Variants in ZNF730 observed in about 807,000 individuals in gnomAD.
ZNF730 encodes the protein zinc finger protein 730, also known as putative zinc finger protein 730.
ZNF730 carries 12 observed loss-of-function variants against 12.6 expected under a neutral mutation model. That is an observed-to-expected ratio of 0.95 (90% CI 0.61 to 1.54). The LOEUF (loss-of-function observed/expected upper bound fraction) is 1.54. ZNF730 is among the 40% of genes most tolerant of loss of function. The pLI, the probability that ZNF730 is intolerant of heterozygous loss-of-function variation, is 0.00. For synonymous variants in ZNF730, 194 were observed against 195.8 expected (o/e 0.99, Z 0.08); for missense variants, 643 against 583.5 (o/e 1.10, Z -1.05).
chr19:23,077,331 G>T, intron 1 of ZNF730, among the ~76,000 whole-genome samples: 1 of 150,994 alleles, frequency 6.6e-6, no homozygotes, highest in East Asian at 1.9e-4. Flanking sequence ...CCTGACCTCA[G>T]GTGATCTGCC....
intron 1 of ZNF730, among the ~76,000 whole-genome samples, chr19:23,086,884 G>A (rs978454430): frequency 2.6e-5 from 4 of 152,192 alleles, no homozygotes; most frequent in African/African-American, 7.2e-5. Flanking sequence ...GCTTTGGGCA[G>A]TATGGCCATT....
chr19:23,075,556 C>T (rs1969842039), intron 1 of ZNF730, among the ~76,000 whole-genome samples: 1 of 152,268 alleles, frequency 6.6e-6, no homozygotes, highest in East Asian at 1.9e-4. Flanking sequence ...CGGCCGGGAC[C>T]CCCAGCGTCT....
At chr19:23,126,816 T>C in intron 1 of ZNF730, 1 of 540,740 alleles carries the variant, frequency 1.8e-6, no homozygotes, top group South Asian at 1.4e-5. Context: ...TCTTGCTTTA[T>C]CCAGTGCTAT....
At chr19:23,120,536 T>C (rs995677539) in intron 1 of ZNF730, among the ~76,000 whole-genome samples, 1 of 152,152 alleles carries the variant, frequency 6.6e-6, no homozygotes, top group African/African-American at 2.4e-5. Context: ...TTGTCATTTC[T>C]AATTGTGTTT....
chr19:23,115,393 A>T (rs1456571404), upstream of ZNF730, among the ~76,000 whole-genome samples: 1 of 152,196 alleles, frequency 6.6e-6, no homozygotes, highest in African/African-American at 2.4e-5. Context: ...GCAATTTTTC[A>T]TCCCTCCTAT....
At chr19:23,141,158 G>A (rs929176150) in intron 3 of ZNF730, among the ~76,000 whole-genome samples, 10 of 152,194 alleles carry the variant, frequency 6.6e-5, no homozygotes, top group South Asian at 2.1e-4. Flanking sequence ...ACTTTGGGAC[G>A]CCGAGGTGGG....
At chr19:23,095,947 A>G (rs1054547386) in intron 1 of ZNF730, among the ~76,000 whole-genome samples, 1 of 152,130 alleles carries the variant, frequency 6.6e-6, no homozygotes, top group South Asian at 2.1e-4. Context: ...CATCACTGAG[A>G]TTGTGACTGT....
At chr19:23,116,933 TTAAACGTTATCCAATCGGGGACACTG>T, upstream of ZNF730, 3 of 100,602 alleles carry the variant, frequency 3.0e-5, no homozygotes, top group Non-Finnish European at 5.4e-5. Context: ...GGGCGGGGCC[TTAAACGTTATCCAATCGGGGACACTG>T]GGCGGGGGGC....
At chr19:23,098,071 G>A (rs1204535658) in intron 1 of ZNF730, among the ~76,000 whole-genome samples, 1 of 151,938 alleles carries the variant, frequency 6.6e-6, no homozygotes, top group African/African-American at 2.4e-5. Context: ...TTGAACCCAA[G>A]AAGTGGAGGT....
intron 1 of ZNF730, among the ~76,000 whole-genome samples, chr19:23,117,870 ACATTT>A (rs990009212): frequency 2.0e-5 from 3 of 152,142 alleles, no homozygotes; most frequent in African/African-American, 7.2e-5. Flanking sequence ...ACAAAAAAAT[ACATTT>A]GAGTTACATT....
At chr19:23,144,947 C>A (rs1970981343) in intron 3 of ZNF730, among the ~76,000 whole-genome samples, 1 of 152,046 alleles carries the variant, frequency 6.6e-6, no homozygotes, top group Admixed American at 6.6e-5. Context: ...AAAAAGGAAA[C>A]CAAGAGTTGG....
chr19:23,118,586 G>C (rs1970561746), intron 1 of ZNF730, among the ~76,000 whole-genome samples: 1 of 152,050 alleles, frequency 6.6e-6, no homozygotes, highest in South Asian at 2.1e-4. Flanking sequence ...GCAGGTGGAT[G>C]CCCTGGGGCT....
intron 2 of ZNF730, among the ~76,000 whole-genome samples, chr19:23,134,474 G>T (rs911278861): frequency 7.5e-5 from 11 of 146,150 alleles, no homozygotes; most frequent in Admixed American, 3.4e-4. Flanking sequence ...GGAGGGAGGT[G>T]GGGGGGCCAG....
chr19:23,133,140 C>T (rs1450551082), intron 1 of ZNF730, among the ~76,000 whole-genome samples: 2 of 152,142 alleles, frequency 1.3e-5, no homozygotes, highest in Non-Finnish European at 2.9e-5. Flanking sequence ...GAAACCATCA[C>T]ATTTAATCTG....
At chr19:23,082,887 C>T (rs1020520440) in intron 1 of ZNF730, among the ~76,000 whole-genome samples, 18 of 151,830 alleles carry the variant, frequency 1.2e-4, no homozygotes, top group South Asian at 6.2e-4. Flanking sequence ...TTTTAGGGGA[C>T]GGGGTTTCTG....
intron 3 of ZNF730, among the ~76,000 whole-genome samples, chr19:23,142,409 C>T (rs999755824): frequency 1.8e-4 from 26 of 147,344 alleles, no homozygotes; most frequent in Non-Finnish European, 3.0e-4. Flanking sequence ...CTTGGCCAGG[C>T]GCGGTGGCTC....
intron 1 of ZNF730, chr19:23,095,470 C>T: frequency 2.5e-6 from 1 of 398,636 alleles, no homozygotes; most frequent in Non-Finnish European, 4.4e-6. Flanking sequence ...CTACCTGGCC[C>T]CTTCTCACAG....
At position 23,146,539 on chromosome 19, in the gene ZNF730, A is replaced by G. The variant is rs1267984650; in HGVS notation, c.1495A>G (p.Lys499Glu). Reference sequence around the variant, plus strand: ...GCGGTTCTCACACCTTACTAGGCATAAGACAATTCATACATAAAATTGTAA... The same window carrying G: ...GCGGTTCTCACACCTTACTAGGCATGAGACAATTCATACATAAAATTGTAA... ...FRRFSHLTRH[K>E]TIHT The change falls in exon 4 of 4, where the codon AAG becomes GAG. Residue 499 changes from lysine to glutamate, a missense_variant. By Grantham distance (56) the Lys-to-Glu change is moderately conservative. Transcript: ENST00000597761. 4 of 1,581,492 alleles carry G rather than the reference A, an allele frequency of 2.5e-6. No homozygotes were observed. Among genetic ancestry groups the G allele is most frequent in the Middle Eastern group, 1.7e-4 (1 of 5,954 alleles).
chr19:23,116,178 CTG>C (rs749400624), upstream of ZNF730, among the ~76,000 whole-genome samples: 7 of 152,298 alleles, frequency 4.6e-5, no homozygotes, highest in East Asian at 5.8e-4. Context: ...GAGGTCCAGA[CTG>C]TGGACAGATC....
Sources: allele counts gnomAD v4.1 joint callset (sites outside exome capture counted in the v4.1 genomes callset), GRCh38; gene constraint gnomAD v4.1.1; transcripts MANE v1.5; gene names NCBI Gene and HGNC (gene_info 2026-07-23, HGNC 2026-07-21).